The following KIF12 variants were observed in gnomAD, a reference collection of about 807,000 sequenced individuals.
The protein encoded by KIF12 is kinesin family member 12.
A neutral mutation model predicts 87.9 loss-of-function variants in KIF12; 80 were observed. The observed-to-expected ratio is 0.91, with a 90% CI of 0.76 to 1.10. KIF12 has a LOEUF of 1.10. Among genes scored for constraint, KIF12 ranks in the 50% least tolerant of loss-of-function variants. The pLI, the probability that KIF12 is intolerant of heterozygous loss-of-function variation, is 0.00. For synonymous variants in KIF12, 353 were observed against 348.5 expected (o/e 1.01, Z -0.14); for missense variants, 819 against 865.3 (o/e 0.95, Z 0.67).
chr9:114,094,168 G>A lies in KIF12; in HGVS notation c.1313+13C>T, dbSNP rs1424997033. 1.2e-6 allele frequency: 2 copies of A among 1,610,050 alleles called. No homozygotes were observed. Among genetic ancestry groups the A allele is most frequent in the African/African-American group, 1.3e-5 (1 of 74,968 alleles). On this transcript the variant is annotated intron_variant, in intron 13 of 18. Transcript: ENST00000640217. ...GGGGAGCAGCATCCCTCTGGCTGTG[G>A]GCTGTGCCCTACCTGAGCCTCTCAT...
chr9:114,095,224 A>T lies in KIF12; in HGVS notation c.1004T>A (p.Val335Asp), dbSNP rs1375202389. Residue 335 changes from valine to aspartate, a missense_variant, in exon 10 of 19, where the codon GTC (valine) becomes GAC (aspartate). Transcript: ENST00000640217. The stretch of plus-strand genomic sequence containing the variant: ...GCCCCGCTTAAGTACCATGAGGGTG[A>T]CCCCGCGCCCTCCCAGTGAGTCTGC... ...LLADSLGGRG[V>D]TLMVACVSPS... 13 of 1,613,530 alleles carry T rather than the reference A, an allele frequency of 8.1e-6. No homozygotes were observed. Among genetic ancestry groups the T allele is most frequent in the Non-Finnish European group, 1.0e-5 (12 of 1,179,994 alleles).
chr9:114,091,682 G>A lies in KIF12; in HGVS notation c.*179C>T. 1 of 562,784 alleles carries A rather than the reference G, an allele frequency of 1.8e-6. No individual in the cohort carries two copies. The highest frequency in any genetic ancestry group is 3.3e-5 in the South Asian group (1 of 30,752). The allele number at this position is 562,784 out of a possible 1,614,324, so 34.9% of individuals were successfully genotyped here. A position where few individuals can be genotyped will look rare whatever the true frequency, so the allele number is the denominator to read the frequency against. The stretch of plus-strand genomic sequence containing the variant: ...TTATTCATGTATTTCATCCCCTGCT[G>A]CCTGGTTTCTCCTGAATCCCCTTGT... On this transcript the variant is annotated 3_prime_UTR_variant, in exon 19 of 19. Coordinates refer to ENST00000640217, the MANE Select transcript of KIF12 (RefSeq NM_001388308.1).
chr9:114,099,088 G>T lies in KIF12; in HGVS notation c.92+16C>A, dbSNP rs996809667. 1 of 1,550,442 alleles carries T rather than the reference G, an allele frequency of 6.4e-7. No individual in the cohort carries two copies. The highest frequency in any genetic ancestry group is 8.7e-7 in the Non-Finnish European group (1 of 1,146,946). Reference sequence around the variant, plus strand: ...CCTTGTCTCGCCCAGGTGCCTCCTAGCCAATTTATACCCACCTGAGCACCA... The same window carrying T: ...CCTTGTCTCGCCCAGGTGCCTCCTATCCAATTTATACCCACCTGAGCACCA... On this transcript the variant is annotated intron_variant, in intron 2 of 18. Coordinates refer to ENST00000640217, the MANE Select transcript of KIF12 (RefSeq NM_001388308.1).
intron 7 of KIF12, 73 bp downstream of exon 7, chr9:114,097,228 C>T (rs1847268653): frequency 6.5e-7 from 1 of 1,543,782 alleles, no homozygotes; most frequent in Admixed American, 2.3e-5. Context: ...AGTCTGGGCC[C>T]CAAGTCCACA....
Position 114,093,444 on chromosome 9 carries a change from G to A in KIF12, c.1454C>T (p.Pro485Leu), listed in dbSNP as rs202128588. ...AGCTGGGGCCATCAAGCAGGGACAC[G>A]GTGGGGTCAGGCCAGGACCCTGCTG... The part of the protein sequence containing the change: ...HHQQGPGLTP[P>L]CPCLMAPAPP... Residue 485 changes from proline (P) to leucine (L), a missense_variant, in exon 15 of 19, where the codon CCG becomes CTG. Transcript: ENST00000640217. The A allele has an allele frequency of 1.8e-5, 29 of 1,570,196 alleles. No homozygotes were observed. The highest frequency in any genetic ancestry group is 2.2e-5 in the Non-Finnish European group (26 of 1,157,300).
intron 14 of KIF12, 40 bp from the exon 15 acceptor site, chr9:114,093,537 C>T (rs1292537897): frequency 6.8e-7 from 1 of 1,480,472 alleles, no homozygotes; most frequent in African/African-American, 1.4e-5. Flanking sequence ...AGCCTCCAAC[C>T]CTACCACCAA....
At chr9:114,095,928 G>C (rs1319276734) in intron 9 of KIF12, 123 bp downstream of exon 9, 1 of 1,117,388 alleles carries the variant, frequency 8.9e-7, no homozygotes, top group Admixed American at 2.4e-5. Context: ...TTTGGTTCCT[G>C]GATCGCAGCT....
In KIF12 at chr9:114,094,200, G is replaced by A; in HGVS notation, c.1294C>T (p.Leu432=). 6.2e-7 allele frequency: 1 copy of A among 1,613,724 alleles called. No homozygotes were observed. Among genetic ancestry groups the A allele is most frequent in the Non-Finnish European group, 8.5e-7 (1 of 1,179,862 alleles). ...CCCTACCTGAGCCTCTCATTCTCTA[G>A]CATGAACTCCTGTAGCATCCCGTAC... ...NLYGMLQEFM[L]ENERLRKEKS... is the part of the protein sequence containing the mutation. The change falls in exon 13 of 19, where the codon CTA becomes TTA. Residue 432 remains leucine (L), a synonymous_variant. Coordinates refer to ENST00000640217, the MANE Select transcript of KIF12 (RefSeq NM_001388308.1).
At chr9:114,094,830 C>T (rs543091245) in intron 11 of KIF12, among the ~76,000 whole-genome samples, 193 bp downstream of exon 11, 31 of 152,304 alleles carry the variant, frequency 2.0e-4, no homozygotes, top group African/African-American at 6.7e-4. Flanking sequence ...CTAGACCTGC[C>T]CTAAACCTGG....
intron 11 of KIF12, 33 bp from the exon 12 acceptor site, chr9:114,094,488 GGT>G (rs754157551): frequency 7.3e-7 from 1 of 1,367,706 alleles, no homozygotes; most frequent in East Asian, 2.3e-5. Context: ...CCACCTTTAT[GGT>G]TGTATAAGTC....
At position 114,096,117 on chromosome 9, in the gene KIF12, C is replaced by T. The variant is rs369433012; in HGVS notation, c.829G>A (p.Ala277Thr). ...ATCAGCTCCCCACGGGATCCCGTGG[C>T]TGCTACCTTCTCACTGCCTGCCAGG... ...VDLAGSEKVA[A>T]TGSRGELMLE... The change falls in exon 9 of 19, where the codon GCC becomes ACC. Residue 277 changes from alanine to threonine, a missense_variant. Coordinates refer to ENST00000640217, the MANE Select transcript of KIF12 (RefSeq NM_001388308.1). 7.0e-4 allele frequency: 1,128 copies of T among 1,613,822 alleles called. 24 individuals carry two copies. In the South Asian group the frequency reaches 0.012, roughly 17 times the overall value.
chr9:114,095,156 C>T, intron 10 of KIF12, 29 bp from the exon 11 acceptor site: 1 of 1,608,708 alleles, frequency 6.2e-7, no homozygotes, highest in Non-Finnish European at 8.5e-7. Flanking sequence ...CTGAGCGCTC[C>T]TCTCTGAGGG....
chr9:114,092,877 T>C, intron 16 of KIF12: 1 of 1,431,876 alleles, frequency 7.0e-7, no homozygotes, highest in Non-Finnish European at 9.1e-7. Flanking sequence ...CTGGTCTATT[T>C]CTGACTCCTC....
At chr9:114,095,439 A>C in intron 9 of KIF12, 107 bp from the exon 10 acceptor site, 2 of 1,194,106 alleles carry the variant, frequency 1.7e-6, no homozygotes, top group East Asian at 5.1e-5. Context: ...TTGCCCTAAA[A>C]ACCCATCTTT....
intron 11 of KIF12, 43 bp downstream of exon 11, chr9:114,094,980 C>G: frequency 6.7e-7 from 1 of 1,481,778 alleles, no homozygotes; most frequent in Non-Finnish European, 9.1e-7. Flanking sequence ...GATCCCCCAG[C>G]ATCTCCACGC....
In KIF12 at chr9:114,099,254, T is replaced by C; in HGVS notation, c.23A>G (p.Asp8Gly). The C allele has an allele frequency of 6.4e-7, 1 of 1,551,122 alleles. No individual in the cohort carries two copies. Among genetic ancestry groups the C allele is most frequent in the South Asian group, 1.2e-5 (1 of 84,062 alleles). The change falls in exon 1 of 19, where the codon GAC becomes GGC. Residue 8 changes from aspartate to glycine, a missense_variant. Coordinates refer to ENST00000640217, the MANE Select transcript of KIF12 (RefSeq NM_001388308.1). MEERGSP[D>G]GDLARSLEQG... ...ACCTGTCTGAAGATCTGCTTACCCGTCGGGTGACCCGCGTTCTTCCATGTC... is the reference window on the plus strand; with the variant it reads ...ACCTGTCTGAAGATCTGCTTACCCGCCGGGTGACCCGCGTTCTTCCATGTC...
Position 114,096,393 on chromosome 9 carries a change from A to G in KIF12, c.732T>C (p.Arg244=), listed in dbSNP as rs769621798. 6 of 1,612,734 alleles carry G rather than the reference A, an allele frequency of 3.7e-6. No individual in the cohort carries two copies. In the Admixed American group the frequency reaches 1.0e-4, roughly 27 times the overall value. Residue 244 remains arginine, a synonymous_variant, in exon 8 of 19, where the codon CGT becomes CGC. Coordinates refer to ENST00000640217, the MANE Select transcript of KIF12 (RefSeq NM_001388308.1). ...SHALLTLYIS[R]QTAQQMPSVD... ...CCCAGGCTGGAGCACTCACAGTTTG[A>G]CGGCTGATGTAAAGGGTGAGCAGGG...
chr9:114,098,056 C>T (rs1361895928), intron 5 of KIF12, 59 bp downstream of exon 5: 32 of 1,486,350 alleles, frequency 2.2e-5, no homozygotes, highest in Non-Finnish European at 2.7e-5. Context: ...CCTGCGGCTC[C>T]CCAGGGCTTC....
chr9:114,097,636 C>T lies in KIF12; in HGVS notation c.481G>A (p.Ala161Thr). 6.2e-7 allele frequency: 1 copy of T among 1,613,112 alleles called. No individual in the cohort carries two copies. The highest frequency in any genetic ancestry group is 8.5e-7 in the Non-Finnish European group (1 of 1,179,662). ...QHLGAPVTLR[A>T]SYLEIYNEQV... is the part of the protein sequence containing the mutation. Reference sequence around the variant, plus strand: ...TCATTGTAGATCTCCAGATAAGAGGCGCGAAGGGTGACAGGGGCACCCAGG... The same window carrying T: ...TCATTGTAGATCTCCAGATAAGAGGTGCGAAGGGTGACAGGGGCACCCAGG... Residue 161 changes from alanine to threonine, a missense_variant, in exon 6 of 19, where the codon GCC becomes ACC. Coordinates refer to ENST00000640217, the MANE Select transcript of KIF12 (RefSeq NM_001388308.1).
Sources: allele counts gnomAD v4.1 joint callset (sites outside exome capture counted in the v4.1 genomes callset), GRCh38; gene constraint gnomAD v4.1.1; transcripts MANE v1.5; gene names NCBI Gene and HGNC (gene_info 2026-07-23, HGNC 2026-07-21).